PUS10: variants seen among roughly 807,000 people sequenced by gnomAD.
PUS10 encodes pseudouridine synthase 10.
Under a neutral mutation model 75.0 loss-of-function variants are expected in PUS10, and 59 were observed. The ratio of observed to expected loss-of-function variants is 0.79; its 90% CI spans 0.64 to 0.98. The LOEUF (loss-of-function observed/expected upper bound fraction) is 0.98. Among genes scored for constraint, PUS10 ranks in the 50% least tolerant of loss-of-function variants. The pLI is 0.00. For missense variants in PUS10, 650 were observed against 614.4 expected (o/e 1.06, Z -0.61); for synonymous variants, 219 against 211.6 (o/e 1.03, Z -0.30).
intron 4 of PUS10, among the ~76,000 whole-genome samples, chr2:60,973,851 A>C (rs1676851424): frequency 6.6e-6 from 1 of 152,210 alleles, no homozygotes; most frequent in Non-Finnish European, 1.5e-5. Context: ...CTCCCCTCTG[A>C]GGCCCATATA....
At chr2:61,012,833 T>C (rs1679692487) in intron 1 of PUS10, among the ~76,000 whole-genome samples, 1 of 21,062 alleles carries the variant, frequency 4.7e-5, no homozygotes, top group Non-Finnish European at 8.0e-5. Flanking sequence ...AAACTCCGTC[T>C]CAAAAAAAAA....
chr2:60,948,175 A>C lies in PUS10; in HGVS notation c.1319T>G (p.Ile440Ser), dbSNP rs1360312840. The C allele has an allele frequency of 6.2e-7, 1 of 1,614,050 alleles. No individual in the cohort carries two copies. The highest frequency in any genetic ancestry group is 1.1e-5 in the South Asian group (1 of 91,084). Residue 440 changes from isoleucine to serine, a missense_variant, in exon 16 of 18, where the codon ATC (isoleucine) becomes AGC (serine). Ile to Ser is a moderately radical substitution (Grantham distance 142, BLOSUM62 -2). Transcript: ENST00000316752. Reference sequence around the variant, plus strand: ...GACGCGCAAAGGTGTTTTCTGGTCGATTTTTAAGTCCTAGGGGAGAATATG... The same window carrying C: ...GACGCGCAAAGGTGTTTTCTGGTCGCTTTTTAAGTCCTAGGGGAGAATATG... ...EFLNDIKDLKIDQKTPLRVLH... is the reference protein window; with the variant it reads ...EFLNDIKDLKSDQKTPLRVLH...
At chr2:60,948,401 T>G (rs918945729) in intron 15 of PUS10, among the ~76,000 whole-genome samples, 1 of 152,162 alleles carries the variant, frequency 6.6e-6, no homozygotes, top group Admixed American at 6.5e-5. Flanking sequence ...GATTTTTGTA[T>G]TTTTTTGATA....
intron 2 of PUS10, chr2:61,010,005 T>A (rs1334440252): frequency 6.6e-6 from 1 of 152,312 alleles, no homozygotes; most frequent in Non-Finnish European, 1.5e-5. Flanking sequence ...TATACAGATG[T>A]GCATGTACAT....
chr2:60,944,016 C>A (rs1396693638), intron 17 of PUS10, among the ~76,000 whole-genome samples: 1 of 152,038 alleles, frequency 6.6e-6, no homozygotes, highest in Non-Finnish European at 1.5e-5. Context: ...GTGGTCCCAG[C>A]TACTCGGGAG....
At chr2:60,974,915 A>G (rs1035101670) in intron 4 of PUS10, among the ~76,000 whole-genome samples, 8 of 152,232 alleles carry the variant, frequency 5.3e-5, no homozygotes, top group Admixed American at 5.2e-4. Flanking sequence ...GGGCTAGAGA[A>G]AAACTCGGGC....
chr2:61,014,448 A>G (rs1204080679), intron 1 of PUS10, among the ~76,000 whole-genome samples: 1 of 152,234 alleles, frequency 6.6e-6, no homozygotes, highest in African/African-American at 2.4e-5. Flanking sequence ...AATATTTGAG[A>G]GCAACTGTTT....
At chr2:60,978,720 G>T (rs1677195231) in intron 4 of PUS10, among the ~76,000 whole-genome samples, 1 of 152,198 alleles carries the variant, frequency 6.6e-6, no homozygotes, top group South Asian at 2.1e-4. Context: ...CTTCAGGAAT[G>T]CCCACTCTGG....
intron 2 of PUS10, chr2:61,010,717 G>A: frequency 1.3e-6 from 2 of 1,488,890 alleles, no homozygotes; most frequent in Non-Finnish European, 1.8e-6. Flanking sequence ...CCCATTTACA[G>A]AGGAGTAAAC....
At chr2:61,015,945 A>G (rs932090057) in intron 1 of PUS10, among the ~76,000 whole-genome samples, 2 of 152,260 alleles carry the variant, frequency 1.3e-5, no homozygotes, top group Non-Finnish European at 2.9e-5. Flanking sequence ...TACTTAATTC[A>G]GAAGTAACAT....
intron 4 of PUS10, among the ~76,000 whole-genome samples, chr2:61,002,443 C>T (rs1177792567): frequency 1.3e-5 from 2 of 152,120 alleles, no homozygotes; most frequent in African/African-American, 4.8e-5. Context: ...TCTATCTATC[C>T]TGTTTTGTTT....
intron 1 of PUS10, chr2:61,017,546 C>A: frequency 1.9e-6 from 1 of 537,706 alleles, no homozygotes; most frequent in Non-Finnish European, 3.3e-6. Context: ...CTTTCTGGGG[C>A]AAATACAAAG....
intron 4 of PUS10, among the ~76,000 whole-genome samples, chr2:60,998,104 A>G (rs997903242): frequency 1.3e-5 from 2 of 152,238 alleles, no homozygotes; most frequent in South Asian, 2.1e-4. Context: ...ATTTTGACAC[A>G]TTCTATTTAT....
intron 4 of PUS10, among the ~76,000 whole-genome samples, chr2:60,995,404 A>G (rs533043653): frequency 8.5e-5 from 13 of 152,368 alleles, no homozygotes; most frequent in Non-Finnish European, 1.8e-4. Flanking sequence ...ATATGCATAC[A>G]TACATATATA....
intron 17 of PUS10, among the ~76,000 whole-genome samples, chr2:60,943,152 C>T (rs564544877): frequency 2.0e-5 from 3 of 151,842 alleles, no homozygotes; most frequent in Non-Finnish European, 4.4e-5. Context: ...TTTTTATTCT[C>T]TCATCTTGCA....
At chr2:60,980,686 C>G (rs1202961793) in intron 4 of PUS10, among the ~76,000 whole-genome samples, 2 of 152,162 alleles carry the variant, frequency 1.3e-5, no homozygotes, top group Admixed American at 1.3e-4. Context: ...CTGACAAACA[C>G]ACATGAACAC....
chr2:60,966,881 A>G (rs913835688), intron 6 of PUS10: 1 of 152,374 alleles, frequency 6.6e-6, no homozygotes, highest in Non-Finnish European at 1.5e-5. Flanking sequence ...CAATGAGGCC[A>G]TAATATTAAA....
Position 61,008,248 on chromosome 2 carries a change from G to A in PUS10, c.381+513C>T, listed in dbSNP as rs367961343. On this transcript the variant is annotated intron_variant, in intron 3 of 17. Coordinates refer to ENST00000316752, the MANE Select transcript of PUS10 (RefSeq NM_144709.4). Reference sequence around the variant, plus strand: ...AAAAAGATTAAAAAATTAGGGCTGGGCACAGTGGCTCATGTCTGTAATCCC... The same window carrying A: ...AAAAAGATTAAAAAATTAGGGCTGGACACAGTGGCTCATGTCTGTAATCCC... Among the ~76,000 whole-genome samples the A allele has an allele frequency of 4.7e-4, 71 of 152,076 alleles. 1 individual carries two copies. The South Asian group carries it at 0.014, about 31-fold the overall frequency.
chr2:60,993,311 G>T (rs779791357), intron 4 of PUS10, among the ~76,000 whole-genome samples: 4 of 152,056 alleles, frequency 2.6e-5, no homozygotes, highest in Non-Finnish European at 4.4e-5. Flanking sequence ...AAAAAAATTA[G>T]CCAGGTGTGG....
Sources: allele counts gnomAD v4.1 joint callset (sites outside exome capture counted in the v4.1 genomes callset), GRCh38; gene constraint gnomAD v4.1.1; transcripts MANE v1.5; gene names NCBI Gene and HGNC (gene_info 2026-07-23, HGNC 2026-07-21).